Variants in CLSTN2 observed in about 807,000 individuals in gnomAD.
CLSTN2 encodes calsyntenin-2.
Under a neutral mutation model 101.2 loss-of-function variants are expected in CLSTN2, and 48 were observed. That is an observed-to-expected ratio of 0.47 (90% confidence interval 0.38 to 0.60). The LOEUF (loss-of-function observed/expected upper bound fraction) is 0.60. CLSTN2 is among the 20% of genes least tolerant of loss of function. The pLI, the probability that CLSTN2 is intolerant of heterozygous loss-of-function variation, is 0.00. For missense variants in CLSTN2, 1,160 were observed against 1,238.2 expected (o/e 0.94, Z 0.95); for synonymous variants, 481 against 463.6 (o/e 1.04, Z -0.48).
intron 2 of CLSTN2, among the ~76,000 whole-genome samples, chr3:140,192,298 C>G (rs192791575): frequency 6.6e-6 from 1 of 151,832 alleles, no homozygotes; most frequent in Non-Finnish European, 1.5e-5. Flanking sequence ...TGCTTTTGTT[C>G]GGGTCTATAA....
At chr3:140,415,784 A>T (rs2088425861) in intron 4 of CLSTN2, among the ~76,000 whole-genome samples, 1 of 152,214 alleles carries the variant, frequency 6.6e-6, no homozygotes, top group Non-Finnish European at 1.5e-5. Context: ...TACGGAAAAC[A>T]TCATGAATGT....
chr3:140,017,690 A>G, intron 1 of CLSTN2, among the ~76,000 whole-genome samples: 1 of 152,210 alleles, frequency 6.6e-6, no homozygotes, highest in East Asian at 1.9e-4. Flanking sequence ...ACTCCTTTCC[A>G]AGAGGAGGGG....
intron 1 of CLSTN2, among the ~76,000 whole-genome samples, chr3:140,003,989 T>C (rs1369846120): frequency 6.6e-6 from 1 of 152,240 alleles, no homozygotes. Context: ...TTTTTTTGTA[T>C]GCTCGTCATT....
intron 1 of CLSTN2, among the ~76,000 whole-genome samples, chr3:140,015,046 G>A (rs891129760): frequency 3.9e-5 from 6 of 152,170 alleles, no homozygotes; most frequent in South Asian, 2.1e-4. Flanking sequence ...AGCAGACAGC[G>A]TGAGCCTCTT....
chr3:140,043,574 G>A (rs2107764801), intron 1 of CLSTN2, among the ~76,000 whole-genome samples: 1 of 152,274 alleles, frequency 6.6e-6, no homozygotes, highest in Middle Eastern at 3.4e-3. Flanking sequence ...ATTGCTTTTG[G>A]TGTTTTAGAC....
chr3:140,429,725 G>A (rs113159208), intron 5 of CLSTN2, among the ~76,000 whole-genome samples: 238 of 152,266 alleles, frequency 1.6e-3, no homozygotes, highest in African/African-American at 5.6e-3. Flanking sequence ...TTATTTCTGA[G>A]TGCACTTTCA....
chr3:140,182,446 G>A (rs1218286973), intron 2 of CLSTN2, among the ~76,000 whole-genome samples: 1 of 152,146 alleles, frequency 6.6e-6, no homozygotes, highest in Non-Finnish European at 1.5e-5. Flanking sequence ...CAGGATCATG[G>A]GCACAGGACC....
intron 1 of CLSTN2, among the ~76,000 whole-genome samples, chr3:140,087,362 T>C (rs1012303795): frequency 1.3e-5 from 2 of 152,180 alleles, no homozygotes; most frequent in Non-Finnish European, 2.9e-5. Context: ...ACATATGAAT[T>C]GTAGCCATTC....
chr3:140,377,559 T>G (rs1248084041), intron 2 of CLSTN2, among the ~76,000 whole-genome samples: 1 of 152,172 alleles, frequency 6.6e-6, no homozygotes, highest in Non-Finnish European at 1.5e-5. Flanking sequence ...TGTTCATGTC[T>G]TAGTTTTTAA....
intron 8 of CLSTN2, among the ~76,000 whole-genome samples, chr3:140,523,025 T>C (rs1445934567): frequency 6.6e-6 from 1 of 152,254 alleles, no homozygotes; most frequent in Non-Finnish European, 1.5e-5. Context: ...GTTTTGAGTT[T>C]GTCTTTGCTC....
At chr3:139,937,560 A>G (rs1935046131) in intron 1 of CLSTN2, among the ~76,000 whole-genome samples, 1 of 149,190 alleles carries the variant, frequency 6.7e-6, no homozygotes, top group Non-Finnish European at 1.5e-5. Flanking sequence ...AACATGGAGA[A>G]ACCCCGTCTC....
At chr3:140,076,516 A>G (rs971866183) in intron 1 of CLSTN2, among the ~76,000 whole-genome samples, 2 of 149,150 alleles carry the variant, frequency 1.3e-5, no homozygotes, top group Non-Finnish European at 3.0e-5. Flanking sequence ...TGTGAATTTC[A>G]TGTCACTTGA....
intron 1 of CLSTN2, among the ~76,000 whole-genome samples, chr3:140,083,830 G>A (rs1451923502): frequency 6.6e-6 from 1 of 152,180 alleles, no homozygotes; most frequent in African/African-American, 2.4e-5. Context: ...GAATACAAAG[G>A]AGTGAAGATA....
At chr3:139,971,052 C>T (rs1289269162) in intron 1 of CLSTN2, among the ~76,000 whole-genome samples, 1 of 152,186 alleles carries the variant, frequency 6.6e-6, no homozygotes, top group Non-Finnish European at 1.5e-5. Flanking sequence ...AATTATCAAA[C>T]TTTCTTCTTT....
intron 2 of CLSTN2, among the ~76,000 whole-genome samples, chr3:140,295,404 T>C (rs1306999049): frequency 1.3e-5 from 2 of 152,184 alleles, no homozygotes; most frequent in Non-Finnish European, 1.5e-5. Flanking sequence ...TTTGTCATAG[T>C]TTTTCCTTTA....
At chr3:140,383,617 C>T (rs2088016440) in intron 2 of CLSTN2, among the ~76,000 whole-genome samples, 1 of 152,132 alleles carries the variant, frequency 6.6e-6, no homozygotes, top group South Asian at 2.1e-4. Context: ...AAACATGTGA[C>T]CTTTGCTGCT....
chr3:140,249,230 T>C (rs4518083), intron 2 of CLSTN2, among the ~76,000 whole-genome samples: 6,888 of 152,196 alleles, frequency 0.045, 331 homozygotes, highest in African/African-American at 0.11. Flanking sequence ...CTAAAGTTAT[T>C]TCTCTGTTCA....
At chr3:140,073,017 A>G (rs2008420926) in intron 1 of CLSTN2, among the ~76,000 whole-genome samples, 1 of 152,192 alleles carries the variant, frequency 6.6e-6, no homozygotes, top group South Asian at 2.1e-4. Context: ...ACAGATGACC[A>G]TGATGTCATT....
At chr3:140,219,452 A>C (rs974301741) in intron 2 of CLSTN2, among the ~76,000 whole-genome samples, 3 of 152,112 alleles carry the variant, frequency 2.0e-5, no homozygotes, top group African/African-American at 7.2e-5. Flanking sequence ...TAAATCGGAG[A>C]ATTCAAAGCT....
Sources: gnomAD v4.1 joint callset for allele counts (sites outside exome capture counted in the v4.1 genomes callset) on GRCh38, gnomAD v4.1.1 for gene constraint, MANE v1.5 for transcripts, NCBI Gene and HGNC (gene_info 2026-07-23, HGNC 2026-07-21) for gene names.